EPB41L4B: variants seen among roughly 807,000 people sequenced by gnomAD.
EPB41L4B encodes the protein erythrocyte membrane protein band 4.1 like 4B, also known as band 4.1-like protein 4B.
EPB41L4B carries 30 observed loss-of-function variants against 112.5 expected under a neutral mutation model. The observed-to-expected ratio is 0.27, with a 90% confidence interval of 0.20 to 0.36. EPB41L4B has a LOEUF of 0.36. Among genes scored for constraint, EPB41L4B ranks in the 10% least tolerant of loss-of-function variants. The pLI, the probability that EPB41L4B is intolerant of heterozygous loss-of-function variation, is 1.00. For synonymous variants in EPB41L4B, 408 were observed against 439.7 expected, an observed-to-expected ratio of 0.93 and a Z score of 0.90; for missense variants, 1,024 against 1,133.3, an observed-to-expected ratio of 0.90 and a Z score of 1.38.
intron 17 of EPB41L4B, among the ~76,000 whole-genome samples, chr9:109,211,033 A>G (rs1833148050): frequency 1.3e-5 from 2 of 152,244 alleles, no homozygotes; most frequent in South Asian, 4.1e-4. Flanking sequence ...TTACACATCT[A>G]AAATCTGATG....
intron 15 of EPB41L4B, among the ~76,000 whole-genome samples, chr9:109,232,238 C>T (rs1833976925): frequency 6.6e-6 from 1 of 152,018 alleles, no homozygotes; most frequent in African/African-American, 2.4e-5. Flanking sequence ...ATGATCTGCC[C>T]ACCTTGGCCT....
chr9:109,186,520 G>T (rs1300801897), intron 22 of EPB41L4B, among the ~76,000 whole-genome samples: 2 of 151,982 alleles, frequency 1.3e-5, no homozygotes, highest in Non-Finnish European at 2.9e-5. Flanking sequence ...TGTCACCCAG[G>T]CTGGAGTGCA....
chr9:109,243,248 A>G (rs971805443), intron 15 of EPB41L4B, among the ~76,000 whole-genome samples: 1 of 151,564 alleles, frequency 6.6e-6, no homozygotes, highest in Admixed American at 6.6e-5. Context: ...CTTAAAAAAA[A>G]AAAAACCCCA....
chr9:109,179,866 G>A (rs10979733), intron 24 of EPB41L4B, among the ~76,000 whole-genome samples: 8,878 of 152,112 alleles, frequency 0.058, 398 homozygotes, highest in Admixed American at 0.13. Flanking sequence ...ACTGTCCTGC[G>A]TTTCCAGGCT....
chr9:109,192,798 GC>G (rs1271393295), intron 21 of EPB41L4B, among the ~76,000 whole-genome samples: 8 of 152,168 alleles, frequency 5.3e-5, no homozygotes, highest in Non-Finnish European at 8.8e-5. Context: ...TATGTTGCTT[GC>G]TTTTGGAAAA....
At chr9:109,229,234 A>C (rs13295873) in intron 15 of EPB41L4B, among the ~76,000 whole-genome samples, 21 of 152,288 alleles carry the variant, frequency 1.4e-4, no homozygotes, top group African/African-American at 5.1e-4. Flanking sequence ...TTCCTTGCTG[A>C]ACAGAATTTA....
At chr9:109,196,112 TTTCTC>T (rs1367492427) in intron 20 of EPB41L4B, 3 of 151,792 alleles carry the variant, frequency 2.0e-5, no homozygotes, top group Admixed American at 6.6e-5. Flanking sequence ...ATTGGCTACT[TTTCTC>T]TTCTGTCTTG....
At chr9:109,297,308 G>C (rs764948837) in intron 1 of EPB41L4B, among the ~76,000 whole-genome samples, 6 of 152,094 alleles carry the variant, frequency 3.9e-5, no homozygotes, top group Non-Finnish European at 7.4e-5. Context: ...TAAATTGCTT[G>C]CTGTTGTTTA....
At chr9:109,213,914 C>A in intron 16 of EPB41L4B, 96 bp from the exon 17 acceptor site, 1 of 1,088,694 alleles carries the variant, frequency 9.2e-7, no homozygotes, top group Non-Finnish European at 1.4e-6. Context: ...TTCCCAGCAC[C>A]CTTTCTGCCG....
At chr9:109,237,670 C>T (rs1444062432) in intron 15 of EPB41L4B, among the ~76,000 whole-genome samples, 6 of 151,944 alleles carry the variant, frequency 3.9e-5, no homozygotes, top group Admixed American at 3.9e-4. Context: ...TACTAGACCA[C>T]TGGAGGGGGT....
intron 15 of EPB41L4B, among the ~76,000 whole-genome samples, chr9:109,223,789 C>G (rs897073932): frequency 1.4e-4 from 22 of 152,092 alleles, no homozygotes; most frequent in African/African-American, 5.3e-4. Flanking sequence ...GAGGCCGAGG[C>G]AGGTGGATCA....
intron 20 of EPB41L4B, among the ~76,000 whole-genome samples, chr9:109,196,835 A>G (rs564463872): frequency 6.6e-6 from 1 of 151,734 alleles, no homozygotes; most frequent in Non-Finnish European, 1.5e-5. Flanking sequence ...TCATATTTCC[A>G]GGAAATAATG....
At chr9:109,276,053 T>C (rs1316176369) in intron 2 of EPB41L4B, among the ~76,000 whole-genome samples, 1 of 147,948 alleles carries the variant, frequency 6.8e-6, no homozygotes, top group African/African-American at 2.5e-5. Context: ...ATATAAAATA[T>C]ATGTATATAC....
chr9:109,185,175 A>G (rs1832209044), intron 23 of EPB41L4B, among the ~76,000 whole-genome samples: 1 of 152,248 alleles, frequency 6.6e-6, no homozygotes, highest in Non-Finnish European at 1.5e-5. Flanking sequence ...GCAACATAAG[A>G]GTCCGTCTGG....
chr9:109,229,084 A>G (rs1378522739), intron 15 of EPB41L4B, among the ~76,000 whole-genome samples: 2 of 152,226 alleles, frequency 1.3e-5, no homozygotes, highest in Non-Finnish European at 2.9e-5. Context: ...TTAATTTTAG[A>G]AAAGAATATC....
intron 4 of EPB41L4B, among the ~76,000 whole-genome samples, chr9:109,266,737 G>T (rs1477185514): frequency 6.6e-6 from 1 of 152,154 alleles, no homozygotes; most frequent in African/African-American, 2.4e-5. Context: ...GGAGGCCAAA[G>T]CGGGTGGATC....
Position 109,260,704 on chromosome 9 carries a change from C to T in EPB41L4B, c.631+2346G>A, listed in dbSNP as rs183698583. ...TGCTGGGATTACAGGGGTGAGCCATCGCGCCCGGCCAACAATTGTATCTTA... is the reference window on the plus strand; with the variant it reads ...TGCTGGGATTACAGGGGTGAGCCATTGCGCCCGGCCAACAATTGTATCTTA... On this transcript the variant is annotated intron_variant, in intron 6 of 25. Transcript: ENST00000374566. Among the ~76,000 whole-genome samples, 954 of 152,286 alleles carry T rather than the reference C, an allele frequency of 6.3e-3. 1 individual carries two copies. Among genetic ancestry groups the T allele is most frequent in the Non-Finnish European group, 0.011 (731 of 68,002 alleles).
intron 24 of EPB41L4B, among the ~76,000 whole-genome samples, chr9:109,180,898 T>C (rs548203138): frequency 1.3e-5 from 2 of 152,322 alleles, no homozygotes; most frequent in Admixed American, 1.3e-4. Context: ...CATTATACAG[T>C]GAGCTTCTGC....
At chr9:109,318,221 C>T (rs1837706570) in intron 1 of EPB41L4B, among the ~76,000 whole-genome samples, 1 of 151,892 alleles carries the variant, frequency 6.6e-6, no homozygotes, top group Non-Finnish European at 1.5e-5. Flanking sequence ...TAAGTCACAT[C>T]ATAGAGGAAT....
Sources: gnomAD v4.1 joint callset for allele counts (sites outside exome capture counted in the v4.1 genomes callset) on GRCh38, gnomAD v4.1.1 for gene constraint, MANE v1.5 for transcripts, NCBI Gene and HGNC (gene_info 2026-07-23, HGNC 2026-07-21) for gene names.